CDC42BPA: variants seen among roughly 807,000 people sequenced by gnomAD.
CDC42BPA encodes the protein CDC42 binding protein kinase alpha, also known as serine/threonine-protein kinase MRCK alpha.
Under a neutral mutation model 223.5 loss-of-function variants are expected in CDC42BPA, and 80 were observed. That is an observed-to-expected ratio of 0.36 (90% CI 0.30 to 0.43). The LOEUF (loss-of-function observed/expected upper bound fraction) is 0.43. Ranked by LOEUF, CDC42BPA falls within the 20% of genes least tolerant of loss-of-function variation. The pLI is 1.00. For synonymous variants in CDC42BPA, 694 were observed against 718.6 expected, an observed-to-expected ratio of 0.97 and a Z score of 0.55; for missense variants, 1,743 against 2,099.9, an observed-to-expected ratio of 0.83 and a Z score of 3.32.
rs1335793708 is a variant in CDC42BPA, at chr1:227,208,337, T to C, written c.354+4799A>G. Reference sequence around the variant, plus strand: ...TCACTCTGATGGTAGTTTCTTTTGCTGTGCAGAAGCTCTTTAGTTTAATTA... The same window carrying C: ...TCACTCTGATGGTAGTTTCTTTTGCCGTGCAGAAGCTCTTTAGTTTAATTA... On this transcript the variant is annotated intron_variant, in intron 3 of 36. Transcript: ENST00000366766. 5.6e-5 allele frequency among the ~76,000 whole-genome samples: 8 copies of C among 143,636 alleles called. No homozygotes were observed. In the South Asian group the frequency reaches 9.5e-4, roughly 17 times the overall value. The allele number at this position is 143,636 out of a possible 152,430, so 94.2% of individuals were successfully genotyped here. A position where few individuals can be genotyped will look rare whatever the true frequency, so the allele number is the denominator to read the frequency against.
intron 5 of CDC42BPA, among the ~76,000 whole-genome samples, chr1:227,179,206 TAGAGA>T (rs1403811917): frequency 6.6e-6 from 1 of 152,160 alleles, no homozygotes; most frequent in Non-Finnish European, 1.5e-5. Context: ...ACTTAAGGTA[TAGAGA>T]AGAGTGTCTT....
chr1:227,313,702 G>A (rs12407033), intron 1 of CDC42BPA, among the ~76,000 whole-genome samples: 46,731 of 151,824 alleles, frequency 0.31, 7,371 homozygotes, highest in East Asian at 0.37. Context: ...GAACAAAAGT[G>A]TCCTAGAAAA....
rs894581108 is a variant in CDC42BPA at position 227,243,691 on chromosome 1, T to G, written c.270+10373A>C. On this transcript the variant is annotated intron_variant, in intron 2 of 36. Coordinates refer to ENST00000366766, the MANE Select transcript of CDC42BPA (RefSeq NM_001394014.1). ...TTAATTAATTGCACTCCATTAACAT[T>G]AAGAATTTCTGTTCAATACAAGATC... 3.8e-4 allele frequency among the ~76,000 whole-genome samples: 57 copies of G among 151,918 alleles called. 1 individual carries two copies. The highest frequency in any genetic ancestry group is 1.4e-3 in the African/African-American group (56 of 41,436).
At chr1:227,268,103 A>C (rs1313059700) in intron 1 of CDC42BPA, among the ~76,000 whole-genome samples, 1 of 152,242 alleles carries the variant, frequency 6.6e-6, no homozygotes, top group Non-Finnish European at 1.5e-5. Flanking sequence ...ACCTTAAAAG[A>C]AAGCCTAATG....
intron 10 of CDC42BPA, among the ~76,000 whole-genome samples, chr1:227,131,908 T>C (rs1490666725): frequency 2.6e-5 from 4 of 152,204 alleles, no homozygotes; most frequent in Admixed American, 6.5e-5. Context: ...CCTAAACTAG[T>C]GGTTCTCTAC....
intron 1 of CDC42BPA, among the ~76,000 whole-genome samples, chr1:227,295,703 A>G (rs1690534555): frequency 6.6e-6 from 1 of 152,252 alleles, no homozygotes; most frequent in Non-Finnish European, 1.5e-5. Flanking sequence ...CAAAGCTGTC[A>G]GGAATCCAGG....
chr1:227,174,054 T>C (rs975978846), intron 5 of CDC42BPA, among the ~76,000 whole-genome samples: 2 of 152,120 alleles, frequency 1.3e-5, no homozygotes, highest in African/African-American at 2.4e-5. Context: ...ACATCCTGAG[T>C]TCACCTATAC....
chr1:227,230,249 T>C (rs562213223), intron 2 of CDC42BPA, among the ~76,000 whole-genome samples: 2 of 152,344 alleles, frequency 1.3e-5, no homozygotes, highest in South Asian at 4.1e-4. Context: ...AACAGATAAA[T>C]TTATACTTTA....
At chr1:227,316,884 G>A in intron 1 of CDC42BPA, 121 bp downstream of exon 1, 1 of 720,040 alleles carries the variant, frequency 1.4e-6, no homozygotes. Flanking sequence ...AATAACTAGT[G>A]TCTGTTTTTT....
intron 16 of CDC42BPA, among the ~76,000 whole-genome samples, chr1:227,084,850 A>C (rs1227877712): frequency 1.4e-5 from 2 of 145,440 alleles, no homozygotes; most frequent in African/African-American, 5.2e-5. Context: ...TCTCTGCGTA[A>C]CACTTGAATT....
At chr1:227,296,160 A>G (rs1203786525) in intron 1 of CDC42BPA, among the ~76,000 whole-genome samples, 1 of 152,228 alleles carries the variant, frequency 6.6e-6, no homozygotes, top group African/African-American at 2.4e-5. Context: ...GCAGAAGGAT[A>G]AACATATAGA....
intron 5 of CDC42BPA, among the ~76,000 whole-genome samples, chr1:227,187,349 G>C (rs1468917126): frequency 1.3e-5 from 2 of 152,090 alleles, no homozygotes; most frequent in Non-Finnish European, 2.9e-5. Context: ...AGAAATGCTA[G>C]AGATCAAAAA....
chr1:227,207,367 C>CTT (rs1275751280), intron 3 of CDC42BPA, among the ~76,000 whole-genome samples: 13 of 93,816 alleles, frequency 1.4e-4, no homozygotes, highest in Admixed American at 5.5e-4. Flanking sequence ...TTTTCTTTTT[C>CTT]TTTTTTTTTT....
At chr1:227,029,596 G>A (rs1668872586) in intron 29 of CDC42BPA, among the ~76,000 whole-genome samples, 1 of 152,120 alleles carries the variant, frequency 6.6e-6, no homozygotes, top group Admixed American at 6.5e-5. Flanking sequence ...TTTTTCAGAA[G>A]TTTTTATATG....
chr1:227,313,462 T>C (rs1437691159), intron 1 of CDC42BPA, among the ~76,000 whole-genome samples: 2 of 152,176 alleles, frequency 1.3e-5, no homozygotes, highest in Admixed American at 6.5e-5. Context: ...TGTGCCAGCA[T>C]TGTACTAGAT....
chr1:227,000,022 A>C (rs2148295586), intron 35 of CDC42BPA, among the ~76,000 whole-genome samples: 1 of 152,080 alleles, frequency 6.6e-6, no homozygotes, highest in East Asian at 1.9e-4. Context: ...TGGGTGCAGC[A>C]AACTACCATG....
chr1:227,043,980 G>C (rs11804924), intron 23 of CDC42BPA, among the ~76,000 whole-genome samples: 4,815 of 152,116 alleles, frequency 0.032, 230 homozygotes, highest in African/African-American at 0.11. Context: ...CAGTATCCAC[G>C]TGTGAAGCTG....
chr1:227,074,081 CTGTG>C, intron 18 of CDC42BPA, 69 bp from the exon 19 acceptor site: 1 of 1,528,332 alleles, frequency 6.5e-7, no homozygotes, highest in Non-Finnish European at 8.9e-7. Flanking sequence ...AGTTAACCAG[CTGTG>C]TGTTATGTTT....
chr1:227,236,073 A>C (rs1678961093), intron 2 of CDC42BPA, among the ~76,000 whole-genome samples: 1 of 152,126 alleles, frequency 6.6e-6, no homozygotes, highest in Non-Finnish European at 1.5e-5. Flanking sequence ...CTTTTAATAG[A>C]AGCTTTATTT....
Sources: allele counts gnomAD v4.1 joint callset (sites outside exome capture counted in the v4.1 genomes callset), GRCh38; gene constraint gnomAD v4.1.1; transcripts MANE v1.5; gene names NCBI Gene and HGNC (gene_info 2026-07-23, HGNC 2026-07-21).